The following HMGN5 variants were observed in gnomAD, a reference collection of about 807,000 sequenced individuals.
The protein encoded by HMGN5 is high mobility group nucleosome binding domain 5.
A neutral mutation model predicts 9.5 loss-of-function variants in HMGN5; 4 were observed. The observed-to-expected ratio is 0.42, with a 90% CI of 0.21 to 0.96. The LOEUF (loss-of-function observed/expected upper bound fraction) is 0.96. HMGN5 is among the 40% of genes least tolerant of loss of function. HMGN5 has a pLI of 0.30. For missense variants in HMGN5, 192 were observed against 187.5 expected (o/e 1.02, Z -0.14); for synonymous variants, 55 against 57.1 (o/e 0.96, Z 0.16).
At chrX:81,174,549 A>G (rs2075435917) in intron 1 of HMGN5, among the ~76,000 whole-genome samples, 1 of 111,510 alleles carries the variant, frequency 9.0e-6, no homozygotes, top group Non-Finnish European at 1.9e-5. Context: ...GCAGTATAGC[A>G]TAGTAGTTAA....
intron 1 of HMGN5, among the ~76,000 whole-genome samples, chrX:81,123,390 C>T (rs1285636565): frequency 9.0e-6 from 1 of 111,396 alleles, no homozygotes; most frequent in Non-Finnish European, 1.9e-5. Context: ...TTGCTTCCTT[C>T]GTCCACAGTT....
chrX:81,135,508 C>G (rs1257281297), intron 1 of HMGN5, among the ~76,000 whole-genome samples: 4 of 111,634 alleles, frequency 3.6e-5, no homozygotes. Context: ...TATTTTTCAG[C>G]AGTAGAAAGG....
intron 1 of HMGN5, among the ~76,000 whole-genome samples, chrX:81,197,388 G>T (rs769928382): frequency 4.3e-4 from 48 of 112,029 alleles, no homozygotes; most frequent in Non-Finnish European, 8.3e-4. Context: ...CCATAATTTT[G>T]TAGTGTTTTG....
intron 1 of HMGN5, among the ~76,000 whole-genome samples, chrX:81,122,973 A>G (rs1292703770): frequency 1.8e-5 from 2 of 111,603 alleles, no homozygotes; most frequent in Non-Finnish European, 3.8e-5. Flanking sequence ...CCAAACAACA[A>G]CCCAAATCCT....
intron 1 of HMGN5, among the ~76,000 whole-genome samples, chrX:81,154,652 C>T (rs111575475): frequency 0.019 from 2,055 of 110,429 alleles, 43 homozygotes; most frequent in African/African-American, 0.058. Context: ...ATATAAGGAG[C>T]TCAGACAACT....
rs2075244743 is a variant in HMGN5, at chrX:81,114,026, A to G, written c.*623T>C. ...ACACAATAGAAAAAAATTAAGCACA[A>G]TATTTCACTAGCTATATTTTTGAAG... On this transcript the variant is annotated 3_prime_UTR_variant, in exon 7 of 7. Transcript: ENST00000358130. 8.9e-6 allele frequency: 1 copy of G among 112,295 alleles called. No individual in the cohort carries two copies. The allele number at this position is 112,295 out of a possible 1,213,427, so 9.3% of individuals were successfully genotyped here.
chrX:81,131,018 A>G (rs2075296603), intron 1 of HMGN5, among the ~76,000 whole-genome samples: 1 of 111,788 alleles, frequency 8.9e-6, no homozygotes, highest in Non-Finnish European at 1.9e-5. Context: ...AGAGAGATGG[A>G]TGAGCATTCT....
At chrX:81,161,580 T>A (rs1260921831) in intron 1 of HMGN5, among the ~76,000 whole-genome samples, 2 of 110,768 alleles carry the variant, frequency 1.8e-5, no homozygotes, top group Non-Finnish European at 3.8e-5. Flanking sequence ...TAAGAAAACC[T>A]GAAAATGTGT....
In HMGN5 at chrX:81,121,519, T is replaced by C. The variant is rs143460969; in HGVS notation, c.15+16A>G. ...CTCAGCAGCTCATTCCCCGTCTGTCTTTCCATTTCACTTACCTTTCTTTTG... is the reference window on the plus strand; with the variant it reads ...CTCAGCAGCTCATTCCCCGTCTGTCCTTCCATTTCACTTACCTTTCTTTTG... On this transcript the variant is annotated intron_variant, in intron 2 of 6. Coordinates refer to ENST00000358130, the MANE Select transcript of HMGN5 (RefSeq NM_030763.3). 6.6e-4 allele frequency: 795 copies of C among 1,199,314 alleles called. 13 individuals carry two copies. In the East Asian group the frequency reaches 0.023, roughly 35 times the overall value.
At chrX:81,152,966 A>G (rs1193102691) in intron 1 of HMGN5, among the ~76,000 whole-genome samples, 2 of 80,536 alleles carry the variant, frequency 2.5e-5, no homozygotes, top group African/African-American at 9.8e-5. Context: ...GGACACAGGA[A>G]GGGTAACATC....
intron 1 of HMGN5, among the ~76,000 whole-genome samples, chrX:81,152,816 T>TA (rs2075367661): frequency 9.2e-6 from 1 of 108,726 alleles, no homozygotes; most frequent in South Asian, 4.1e-4. Flanking sequence ...TATGCAGCCA[T>TA]AAAAAATGAT....
chrX:81,127,676 T>G (rs902370397), intron 1 of HMGN5, among the ~76,000 whole-genome samples: 4 of 111,385 alleles, frequency 3.6e-5, no homozygotes, highest in African/African-American at 1.3e-4. Context: ...TGTAAATTAT[T>G]TGAAACACAT....
At chrX:81,197,348 T>A (rs2075511992) in intron 1 of HMGN5, among the ~76,000 whole-genome samples, 1 of 112,033 alleles carries the variant, frequency 8.9e-6, no homozygotes, top group Admixed American at 9.5e-5. Flanking sequence ...ATGATAATGT[T>A]TTTCAGACAG....
intron 1 of HMGN5, among the ~76,000 whole-genome samples, chrX:81,167,005 A>T (rs2075412977): frequency 9.0e-6 from 1 of 111,327 alleles, no homozygotes; most frequent in Admixed American, 9.6e-5. Flanking sequence ...CAGAATAGAT[A>T]TCACTAGGCA....
chrX:81,147,485 A>T (rs1382818546), intron 1 of HMGN5, among the ~76,000 whole-genome samples: 1 of 111,711 alleles, frequency 9.0e-6, no homozygotes, highest in Non-Finnish European at 1.9e-5. Context: ...CATTTCTAAA[A>T]ATAATAAGAT....
In HMGN5 at chrX:81,154,910, A is replaced by G. The variant is rs13440864; in HGVS notation, c.-123-33238T>C. On this transcript the variant is annotated intron_variant, in intron 1 of 6. Transcript: ENST00000358130. ...GATGTAAAGAAAATGGAACCCTTGT[A>G]CACTGGTGGTGGGAATGTAAATTAG... 1.7e-3 allele frequency among the ~76,000 whole-genome samples: 184 copies of G among 108,460 alleles called. 1 individual carries two copies. Among genetic ancestry groups the G allele is most frequent in the African/African-American group, 5.7e-3 (171 of 29,845 alleles). 94.2% of individuals were successfully genotyped at this position (108,460 alleles called of 115,157 possible). A position where few individuals can be genotyped will look rare whatever the true frequency, so the allele number is the denominator to read the frequency against.
intron 1 of HMGN5, among the ~76,000 whole-genome samples, chrX:81,153,476 C>T (rs907169789): frequency 3.1e-5 from 3 of 96,881 alleles, no homozygotes; most frequent in Non-Finnish European, 6.2e-5. Context: ...ATTGCTTGAA[C>T]CTGGGAGGCA....
intron 1 of HMGN5, among the ~76,000 whole-genome samples, chrX:81,191,172 AT>A (rs775647166): frequency 1.8e-5 from 2 of 112,265 alleles, no homozygotes; most frequent in African/African-American, 6.4e-5. Flanking sequence ...AAAATAGTTT[AT>A]TAGATTTTCT....
At chrX:81,201,181 C>A (rs1176503389) in intron 1 of HMGN5, among the ~76,000 whole-genome samples, 1 of 109,863 alleles carries the variant, frequency 9.1e-6, no homozygotes, top group African/African-American at 3.3e-5. Flanking sequence ...GGACAAGCGA[C>A]TGACTCCTCT....
Sources: allele counts gnomAD v4.1 joint callset (sites outside exome capture counted in the v4.1 genomes callset), GRCh38; gene constraint gnomAD v4.1.1; transcripts MANE v1.5; gene names NCBI Gene and HGNC (gene_info 2026-07-23, HGNC 2026-07-21).